Variants in RNF152 observed in about 807,000 individuals in gnomAD.
RNF152 encodes the protein E3 ubiquitin-protein ligase RNF152.
In RNF152, 11 loss-of-function variants were observed where a neutral mutation model predicts 12.7. The ratio of observed to expected loss-of-function variants is 0.86; its 90% CI spans 0.54 to 1.43. The LOEUF (loss-of-function observed/expected upper bound fraction) is 1.43. RNF152 is among the 40% of genes most tolerant of loss of function. The probability of loss-of-function intolerance (pLI) is 0.00; values close to 1 mark genes in which losing one functional copy is unlikely to be tolerated. For missense variants in RNF152, 255 were observed against 274.8 expected (o/e 0.93, Z 0.51); for synonymous variants, 113 against 120.3 (o/e 0.94, Z 0.40).
At chr18:61,842,037 G>C (rs1297933550) in intron 1 of RNF152, among the ~76,000 whole-genome samples, 1 of 152,174 alleles carries the variant, frequency 6.6e-6, no homozygotes, top group African/African-American at 2.4e-5. Context: ...ATACTAAAAG[G>C]TATCACTTTA....
chr18:61,842,096 C>G lies in RNF152; in HGVS notation c.-135-25498G>C, dbSNP rs189611238. 2.7e-3 allele frequency among the ~76,000 whole-genome samples: 410 copies of G among 152,316 alleles called. 3 individuals carry two copies. The highest frequency in any genetic ancestry group is 3.6e-3 in the Non-Finnish European group (246 of 68,026). ...GCAAATCACAAAACTAAATTCAGCT[C>G]TGAGTTTTATTAAGGGTTCACATGT... On this transcript the variant is annotated intron_variant, in intron 1 of 1. Coordinates refer to ENST00000312828, the MANE Select transcript of RNF152 (RefSeq NM_173557.3).
At chr18:61,825,415 G>A (rs1054465955) in intron 1 of RNF152, among the ~76,000 whole-genome samples, 2 of 152,228 alleles carry the variant, frequency 1.3e-5, no homozygotes, top group Admixed American at 6.5e-5. Context: ...AATTTAAGGA[G>A]CCTACAAGCT....
intron 1 of RNF152, among the ~76,000 whole-genome samples, chr18:61,852,621 T>A (rs2144697221): frequency 6.6e-6 from 1 of 152,320 alleles, no homozygotes; most frequent in African/African-American, 2.4e-5. Flanking sequence ...GCAGTGAGTC[T>A]CACCTTAGCT....
At chr18:61,860,672 T>C (rs554354826) in intron 1 of RNF152, among the ~76,000 whole-genome samples, 4 of 152,360 alleles carry the variant, frequency 2.6e-5, no homozygotes, top group South Asian at 4.1e-4. Context: ...TTTTAGAGTG[T>C]ACTCCTACTT....
intron 1 of RNF152, among the ~76,000 whole-genome samples, chr18:61,839,788 G>A (rs994663143): frequency 3.9e-5 from 6 of 152,104 alleles, no homozygotes; most frequent in African/African-American, 7.2e-5. Context: ...CCAGCTACTC[G>A]GGAGGCTGAG....
chr18:61,836,702 G>C (rs1778714359), intron 1 of RNF152, among the ~76,000 whole-genome samples: 1 of 150,966 alleles, frequency 6.6e-6, no homozygotes, highest in South Asian at 2.1e-4. Flanking sequence ...AAGACAGATG[G>C]TAATGTTTTA....
chr18:61,872,737 G>A (rs1912046190), intron 1 of RNF152, among the ~76,000 whole-genome samples: 1 of 152,076 alleles, frequency 6.6e-6, no homozygotes, highest in African/African-American at 2.4e-5. Flanking sequence ...GATTTTCGCA[G>A]CTATTTGTTG....
At chr18:61,829,587 AGAGAGATAAG>A (rs1909839991) in intron 1 of RNF152, among the ~76,000 whole-genome samples, 1 of 131,608 alleles carries the variant, frequency 7.6e-6, no homozygotes, top group Admixed American at 7.8e-5. Flanking sequence ...GGAGAGAGAG[AGAGAGATAAG>A]GAGAGAGAGA....
chr18:61,840,472 A>G (rs1369989321), intron 1 of RNF152, among the ~76,000 whole-genome samples: 2 of 152,140 alleles, frequency 1.3e-5, no homozygotes, highest in Non-Finnish European at 2.9e-5. Flanking sequence ...TTCTGTCTCT[A>G]AGTGGTCCTT....
At chr18:61,877,884 C>T (rs1388210964) in intron 1 of RNF152, among the ~76,000 whole-genome samples, 1 of 152,176 alleles carries the variant, frequency 6.6e-6, no homozygotes, top group Non-Finnish European at 1.5e-5. Flanking sequence ...ATGAACACCC[C>T]CAAATCTGAG....
intron 1 of RNF152, among the ~76,000 whole-genome samples, chr18:61,829,546 C>G (rs1415726538): frequency 1.8e-4 from 24 of 130,444 alleles, no homozygotes; most frequent in Admixed American, 3.2e-4. Flanking sequence ...GAGAGAGATA[C>G]TGGGAGAGGG....
chr18:61,857,317 G>A (rs933844854), intron 1 of RNF152, among the ~76,000 whole-genome samples: 2 of 152,184 alleles, frequency 1.3e-5, no homozygotes, highest in African/African-American at 4.8e-5. Context: ...TTCAACGCCT[G>A]CTCTGGAAAC....
At chr18:61,836,255 A>G (rs1394033780) in intron 1 of RNF152, among the ~76,000 whole-genome samples, 1 of 152,154 alleles carries the variant, frequency 6.6e-6, no homozygotes, top group African/African-American at 2.4e-5. Context: ...GACATGTCAA[A>G]AGGCCCCAGG....
chr18:61,867,915 T>C (rs1911811394), intron 1 of RNF152, among the ~76,000 whole-genome samples: 1 of 152,202 alleles, frequency 6.6e-6, no homozygotes, highest in Non-Finnish European at 1.5e-5. Flanking sequence ...CACATAAAAA[T>C]ACAACTTTAC....
rs1303576326 is a variant in RNF152, at chr18:61,888,717, T to C, written c.-136+4078A>G. On this transcript the variant is annotated intron_variant, in intron 1 of 1. Transcript: ENST00000312828. Reference sequence around the variant, plus strand: ...CCCACTGTAAATTAAGAAGCATCTCTACCAACTTTATCCCAATTGTGATTT... The same window carrying C: ...CCCACTGTAAATTAAGAAGCATCTCCACCAACTTTATCCCAATTGTGATTT... 64 of 152,350 alleles carry C rather than the reference T, an allele frequency of 4.2e-4. 2 individuals are homozygous for C. Among genetic ancestry groups the C allele is most frequent in the Admixed American group, 4.2e-3 (64 of 15,306 alleles). 9.4% of individuals were successfully genotyped at this position (152,350 alleles called of 1,614,324 possible).
intron 1 of RNF152, among the ~76,000 whole-genome samples, chr18:61,850,059 G>A (rs754678692): frequency 2.6e-5 from 4 of 152,190 alleles, no homozygotes; most frequent in Non-Finnish European, 5.9e-5. Context: ...CTCTTTTAGA[G>A]CTTCTTCTTT....
intron 1 of RNF152, among the ~76,000 whole-genome samples, chr18:61,838,542 C>T (rs996977446): frequency 1.6e-4 from 24 of 152,136 alleles, no homozygotes; most frequent in Non-Finnish European, 2.9e-4. Context: ...TAAACCAACC[C>T]CCTTTTCTAG....
At chr18:61,816,846 G>C (rs1236929468) in intron 1 of RNF152, among the ~76,000 whole-genome samples, 1 of 152,210 alleles carries the variant, frequency 6.6e-6, no homozygotes, top group African/African-American at 2.4e-5. Flanking sequence ...AATAGTTGTA[G>C]ACGATGCATC....
chr18:61,879,651 G>A (rs141268201), intron 1 of RNF152, among the ~76,000 whole-genome samples: 1 of 152,238 alleles, frequency 6.6e-6, no homozygotes, highest in Non-Finnish European at 1.5e-5. Context: ...ACAGTAACTA[G>A]AGAGGGAGGA....
Sources: gnomAD v4.1 joint callset for allele counts (sites outside exome capture counted in the v4.1 genomes callset) on GRCh38, gnomAD v4.1.1 for gene constraint, MANE v1.5 for transcripts, NCBI Gene and HGNC (gene_info 2026-07-23, HGNC 2026-07-21) for gene names.